Variants in NPSR1 observed in about 807,000 individuals in gnomAD.
The protein encoded by NPSR1 is neuropeptide S receptor 1, also known as neuropeptide S receptor.
NPSR1 carries 48 observed loss-of-function variants against 46.9 expected under a neutral mutation model. That is an observed-to-expected ratio of 1.02 (90% CI 0.81 to 1.30). The LOEUF (loss-of-function observed/expected upper bound fraction) is 1.30, where lower values mean the gene tolerates loss of function less well. Ranked by LOEUF, NPSR1 falls within the 50% of genes most tolerant of loss-of-function variation. NPSR1 has a pLI of 0.00. For synonymous variants in NPSR1, 176 were observed against 168.1 expected (o/e 1.05, Z -0.36); for missense variants, 450 against 449.5 (o/e 1.00, Z -0.01).
intron 4 of NPSR1, among the ~76,000 whole-genome samples, chr7:34,814,335 G>T (rs1395865417): frequency 6.6e-6 from 1 of 152,258 alleles, no homozygotes; most frequent in East Asian, 1.9e-4. Flanking sequence ...AGCCTGGCTA[G>T]GGGAGGAGCG....
intron 2 of NPSR1, among the ~76,000 whole-genome samples, chr7:34,775,223 T>C (rs1320948916): frequency 6.6e-6 from 1 of 152,188 alleles, no homozygotes; most frequent in African/African-American, 2.4e-5. Context: ...TTATGACAGA[T>C]GTTTGAAGAG....
At chr7:34,848,702 C>T in intron 8 of NPSR1, 39 bp downstream of exon 8, 4 of 1,561,348 alleles carry the variant, frequency 2.6e-6, no homozygotes, top group Non-Finnish European at 3.5e-6. Context: ...ACACTGATGG[C>T]CATTGCACTG....
chr7:34,748,173 A>G (rs1369331316), intron 2 of NPSR1, among the ~76,000 whole-genome samples: 6 of 152,242 alleles, frequency 3.9e-5, no homozygotes, highest in Admixed American at 6.5e-5. Flanking sequence ...GACAAACCAG[A>G]AAATATAAAA....
chr7:34,823,417 C>CAAAAAAAAAAAAAAAAAAAAAAAAAAAA (rs79081202), intron 4 of NPSR1, among the ~76,000 whole-genome samples: 1 of 103,958 alleles, frequency 9.6e-6, no homozygotes, highest in Non-Finnish European at 1.9e-5. Flanking sequence ...AAAAAAAAAA[C>CAAAAAAAAAAAAAAAAAAAAAAAAAAAA]AACACCATAA....
intron 2 of NPSR1, chr7:34,751,354 G>T: frequency 2.9e-6 from 3 of 1,027,964 alleles, no homozygotes; most frequent in Non-Finnish European, 4.7e-6. Flanking sequence ...TGAAGCAGCT[G>T]CAGAGAGGTC....
intron 2 of NPSR1, among the ~76,000 whole-genome samples, chr7:34,725,802 C>T (rs1356189429): frequency 6.6e-6 from 1 of 152,186 alleles, no homozygotes; most frequent in Non-Finnish European, 1.5e-5. Flanking sequence ...AAAATCTCAC[C>T]TTGAACTGTA....
At chr7:34,770,856 G>A (rs934733755) in intron 2 of NPSR1, among the ~76,000 whole-genome samples, 3 of 152,180 alleles carry the variant, frequency 2.0e-5, no homozygotes, top group Admixed American at 6.5e-5. Context: ...GTCTGGTTAG[G>A]TCATTCTCTT....
At chr7:34,852,861 C>T (rs1790967304), downstream of NPSR1, among the ~76,000 whole-genome samples, 1 of 152,110 alleles carries the variant, frequency 6.6e-6, no homozygotes, top group Non-Finnish European at 1.5e-5. Flanking sequence ...TTAGGAGAGC[C>T]AGAGTAGGTG....
At chr7:34,795,242 A>G (rs2128745391) in intron 3 of NPSR1, among the ~76,000 whole-genome samples, 1 of 152,320 alleles carries the variant, frequency 6.6e-6, no homozygotes, top group East Asian at 1.9e-4. Flanking sequence ...AAAATTCAGT[A>G]AACTAGGAAT....
chr7:34,664,226 C>A lies in NPSR1; in HGVS notation c.147+5667C>A, dbSNP rs190853519. On this transcript the variant is annotated intron_variant, in intron 1 of 8. Coordinates refer to ENST00000360581, the MANE Select transcript of NPSR1 (RefSeq NM_207172.2). ...TAGAGCCAGACTTCTGGGGTCAAAT[C>A]CCAGTGCCACACCATCTAGCAGAGT... 9.8e-5 allele frequency among the ~76,000 whole-genome samples: 15 copies of A among 152,316 alleles called. No individual in the cohort carries two copies. The East Asian group carries it at 2.7e-3, about 27-fold the overall frequency.
intron 4 of NPSR1, among the ~76,000 whole-genome samples, chr7:34,815,936 C>A (rs563593049): frequency 1.3e-5 from 2 of 152,264 alleles, no homozygotes; most frequent in South Asian, 4.1e-4. Flanking sequence ...TGGAAAGGAA[C>A]AACCAGTACC....
At chr7:34,769,308 TTC>T (rs1786571721) in intron 2 of NPSR1, among the ~76,000 whole-genome samples, 1 of 152,206 alleles carries the variant, frequency 6.6e-6, no homozygotes, top group Admixed American at 6.5e-5. Flanking sequence ...TTCCTTGAAC[TTC>T]TGCATAGTTT....
rs778278230 is a variant in NPSR1 at position 34,811,872 on chromosome 7, G to A, written c.478+9G>A. On this transcript the variant is annotated intron_variant, in intron 4 of 8. Coordinates refer to ENST00000360581, the MANE Select transcript of NPSR1 (RefSeq NM_207172.2). ...GAAGTTCCTTCAAGGAGGTGAGCTG[G>A]CTTTACCAGGTGCTCTTTCATAAAG... The A allele has an allele frequency of 1.3e-6, 2 of 1,595,518 alleles. No homozygotes were observed. Among genetic ancestry groups the A allele is most frequent in the Admixed American group, 1.7e-5 (1 of 59,338 alleles).
In NPSR1 at chr7:34,840,434, G is replaced by T. The variant is rs117825117; in HGVS notation, c.758-4462G>T. Among the ~76,000 whole-genome samples, 241 of 152,204 alleles carry T rather than the reference G, an allele frequency of 1.6e-3. 3 individuals carry two copies. The highest frequency in any genetic ancestry group is 0.011 in the South Asian group (55 of 4,816). Reference sequence around the variant, plus strand: ...GCTAAAGAAGCTGAAACTCTTGGGAGTTCAAGAGAGTCTGCTGCAAGCTCC... The same window carrying T: ...GCTAAAGAAGCTGAAACTCTTGGGATTTCAAGAGAGTCTGCTGCAAGCTCC... On this transcript the variant is annotated intron_variant, in intron 6 of 8. Transcript: ENST00000360581.
At chr7:34,878,090 G>A (rs28480169) in exon 9 of NPSR1, 118,027 of 1,598,622 alleles carry the variant, frequency 0.074, 5,124 homozygotes, top group Middle Eastern at 0.13. Flanking sequence ...ATCCGTCTCC[G>A]TCAGCTCCAG....
At chr7:34,686,812 AG>A (rs1026372146) in intron 2 of NPSR1, among the ~76,000 whole-genome samples, 2 of 152,070 alleles carry the variant, frequency 1.3e-5, no homozygotes, top group African/African-American at 4.8e-5. Context: ...TGAATATTTC[AG>A]GTAATATAAT....
At chr7:34,661,421 G>C (rs1049081652) in intron 1 of NPSR1, among the ~76,000 whole-genome samples, 1 of 152,180 alleles carries the variant, frequency 6.6e-6, no homozygotes, top group African/African-American at 2.4e-5. Context: ...AGTCTCAGCT[G>C]TCTTGCTCCG....
chr7:34,848,410 C>T, intron 7 of NPSR1, 73 bp from the exon 8 acceptor site: 2 of 1,316,072 alleles, frequency 1.5e-6, no homozygotes, highest in Non-Finnish European at 2.1e-6. Flanking sequence ...AGGTAAAAGT[C>T]CAGTCAGGAC....
intron 4 of NPSR1, among the ~76,000 whole-genome samples, chr7:34,812,484 A>T (rs2128751161): frequency 6.6e-6 from 1 of 152,310 alleles, no homozygotes; most frequent in East Asian, 1.9e-4. Flanking sequence ...CTTCCTGAAC[A>T]GGCTGCATCA....
Sources: allele counts gnomAD v4.1 joint callset (sites outside exome capture counted in the v4.1 genomes callset), GRCh38; gene constraint gnomAD v4.1.1; transcripts MANE v1.5; gene names NCBI Gene and HGNC (gene_info 2026-07-23, HGNC 2026-07-21).